Variants in GRID1 observed in about 807,000 individuals in gnomAD.
GRID1 encodes the protein glutamate receptor ionotropic, delta-1.
In GRID1, 28 loss-of-function variants were observed where a neutral mutation model predicts 98.0. That is an observed-to-expected ratio of 0.29 (90% CI 0.21 to 0.39). GRID1 has a LOEUF of 0.39. GRID1 is among the 10% of genes least tolerant of loss of function. The pLI is 1.00. For missense variants in GRID1, 1,111 were observed against 1,340.5 expected (o/e 0.83, Z 2.67); for synonymous variants, 553 against 538.5 (o/e 1.03, Z -0.37).
At chr10:85,742,180 C>T (rs1841950545) in intron 8 of GRID1, among the ~76,000 whole-genome samples, 1 of 152,228 alleles carries the variant, frequency 6.6e-6, no homozygotes, top group Non-Finnish European at 1.5e-5. Flanking sequence ...GTGGCATGCA[C>T]TTAACAAATT....
At chr10:85,623,881 A>T (rs1590164122) in intron 13 of GRID1, among the ~76,000 whole-genome samples, 1 of 152,354 alleles carries the variant, frequency 6.6e-6, no homozygotes, top group East Asian at 1.9e-4. Flanking sequence ...ACAGAGCATC[A>T]GCAGGAATCT....
chr10:85,667,457 C>A lies in GRID1; in HGVS notation c.1998-20060G>T, dbSNP rs190339299. 5.5e-3 allele frequency among the ~76,000 whole-genome samples: 831 copies of A among 152,200 alleles called. 2 individuals are homozygous for A. Among genetic ancestry groups the A allele is most frequent in the Non-Finnish European group, 0.01 (681 of 67,996 alleles). ...TAGTGAGTTCTTACTCTGTGTAGGG[C>A]AGTGTTATCAGTATTTACAGAAAAA... On this transcript the variant is annotated intron_variant, in intron 12 of 15. Transcript: ENST00000327946.
intron 2 of GRID1, among the ~76,000 whole-genome samples, chr10:86,242,438 A>G (rs1482994518): frequency 1.3e-5 from 2 of 152,174 alleles, no homozygotes; most frequent in Admixed American, 1.3e-4. Flanking sequence ...CTCCCAGGAC[A>G]TCCAAGAAAG....
At chr10:86,302,360 C>T (rs1407714490) in intron 2 of GRID1, among the ~76,000 whole-genome samples, 1 of 152,222 alleles carries the variant, frequency 6.6e-6, no homozygotes, top group African/African-American at 2.4e-5. Context: ...GAGAAGCACT[C>T]TGGGGTACTT....
chr10:85,847,316 A>C (rs1221521311), intron 8 of GRID1, among the ~76,000 whole-genome samples: 2 of 152,338 alleles, frequency 1.3e-5, no homozygotes, highest in Non-Finnish European at 2.9e-5. Context: ...TATGAAAAAG[A>C]CCTGGGCCTT....
At chr10:86,299,440 C>A (rs1024242717) in intron 2 of GRID1, among the ~76,000 whole-genome samples, 2 of 151,300 alleles carry the variant, frequency 1.3e-5, no homozygotes, top group Non-Finnish European at 2.9e-5. Flanking sequence ...CCCATTAACT[C>A]GTCATTTACA....
intron 4 of GRID1, among the ~76,000 whole-genome samples, chr10:86,083,033 G>A (rs913058440): frequency 3.9e-5 from 6 of 152,144 alleles, no homozygotes; most frequent in Non-Finnish European, 8.8e-5. Context: ...GCTCATCTTT[G>A]TCACTACACC....
At chr10:86,226,758 G>A (rs1047928366) in intron 2 of GRID1, among the ~76,000 whole-genome samples, 1 of 150,256 alleles carries the variant, frequency 6.7e-6, no homozygotes, top group South Asian at 2.1e-4. Context: ...CCCTCCAGAA[G>A]CAGCAGTCCC....
intron 4 of GRID1, among the ~76,000 whole-genome samples, chr10:86,097,168 A>G (rs1844232896): frequency 6.6e-6 from 1 of 152,192 alleles, no homozygotes; most frequent in Non-Finnish European, 1.5e-5. Context: ...CCACACTACC[A>G]GCATCCCAAT....
At chr10:85,846,134 C>G (rs1843002912) in intron 8 of GRID1, among the ~76,000 whole-genome samples, 2 of 152,084 alleles carry the variant, frequency 1.3e-5, no homozygotes, top group Non-Finnish European at 2.9e-5. Flanking sequence ...ATTAGTAAAA[C>G]CACTAAGAAT....
chr10:86,073,521 G>A (rs1305409985), intron 4 of GRID1, among the ~76,000 whole-genome samples: 1 of 152,212 alleles, frequency 6.6e-6, no homozygotes, highest in Non-Finnish European at 1.5e-5. Flanking sequence ...CTGGAAACAG[G>A]GTTTGCTAGT....
chr10:85,969,425 C>G (rs1407509412), intron 4 of GRID1, among the ~76,000 whole-genome samples: 1 of 152,068 alleles, frequency 6.6e-6, no homozygotes, highest in African/African-American at 2.4e-5. Context: ...CAGGATAGGA[C>G]AGACTATGTG....
At chr10:85,700,992 A>G (rs935790078) in intron 12 of GRID1, among the ~76,000 whole-genome samples, 1 of 152,218 alleles carries the variant, frequency 6.6e-6, no homozygotes, top group Admixed American at 6.5e-5. Flanking sequence ...ATATGTTTAT[A>G]AAGAGAGAAC....
At chr10:85,928,344 A>G (rs1171705508) in intron 4 of GRID1, among the ~76,000 whole-genome samples, 1 of 152,212 alleles carries the variant, frequency 6.6e-6, no homozygotes, top group Non-Finnish European at 1.5e-5. Context: ...TAATCACAGG[A>G]GCGGACAGGG....
intron 3 of GRID1, among the ~76,000 whole-genome samples, chr10:86,167,015 G>A (rs911999294): frequency 3.9e-5 from 6 of 152,198 alleles, no homozygotes; most frequent in Admixed American, 2.6e-4. Context: ...GGCTGAATGG[G>A]GAGCACCCCC....
intron 6 of GRID1, among the ~76,000 whole-genome samples, chr10:85,862,016 A>G (rs879520311): frequency 2.0e-5 from 3 of 151,904 alleles, no homozygotes; most frequent in Non-Finnish European, 4.4e-5. Flanking sequence ...ACATCACATC[A>G]CCAAGGGCAG....
intron 4 of GRID1, among the ~76,000 whole-genome samples, chr10:86,110,255 T>C (rs1194385161): frequency 6.6e-6 from 1 of 152,196 alleles, no homozygotes; most frequent in East Asian, 1.9e-4. Flanking sequence ...ATTACAGGCA[T>C]GAGCCACCGC....
chr10:85,689,447 A>C (rs1207750759), intron 12 of GRID1, among the ~76,000 whole-genome samples: 31 of 33,282 alleles, frequency 9.3e-4, no homozygotes, highest in Non-Finnish European at 3.3e-4. Context: ...AAAGAAATGG[A>C]AAAAAAAAAA....
chr10:85,656,545 C>T (rs563897110), intron 12 of GRID1, among the ~76,000 whole-genome samples: 13 of 152,288 alleles, frequency 8.5e-5, no homozygotes, highest in African/African-American at 3.1e-4. Context: ...GCTAATAGAT[C>T]TTCACACTAA....
Sources: gnomAD v4.1 joint callset for allele counts (sites outside exome capture counted in the v4.1 genomes callset) on GRCh38, gnomAD v4.1.1 for gene constraint, MANE v1.5 for transcripts, NCBI Gene and HGNC (gene_info 2026-07-23, HGNC 2026-07-21) for gene names.